TMC1: variants seen among roughly 807,000 people sequenced by gnomAD.
The protein encoded by TMC1 is transmembrane channel like 1.
TMC1 carries 84 observed loss-of-function variants against 105.8 expected under a neutral mutation model. The ratio of observed to expected loss-of-function variants is 0.79; its 90% CI spans 0.67 to 0.95. TMC1 has a LOEUF of 0.95. TMC1 is among the 40% of genes least tolerant of loss of function. The probability of loss-of-function intolerance (pLI) is 0.00; values close to 1 mark genes in which losing one functional copy is unlikely to be tolerated. For missense variants in TMC1, 817 were observed against 914.1 expected, an observed-to-expected ratio of 0.89 and a Z score of 1.37; for synonymous variants, 315 against 311.5, an observed-to-expected ratio of 1.01 and a Z score of -0.12.
intron 2 of TMC1, among the ~76,000 whole-genome samples, chr9:72,610,156 T>G (rs1825000081): frequency 6.6e-6 from 1 of 152,212 alleles, no homozygotes; most frequent in Admixed American, 6.5e-5. Flanking sequence ...ATTTTGTATT[T>G]GAGTTGAAGC....
Position 72,788,414 on chromosome 9 carries a change from C to T in TMC1, c.960C>T (p.Ser320=). 6.2e-7 allele frequency: 1 copy of T among 1,614,028 alleles called. No individual in the cohort carries two copies. Among genetic ancestry groups the T allele is most frequent in the Non-Finnish European group, 8.5e-7 (1 of 1,179,916 alleles). The part of the protein sequence containing the change: ...TFNFSWKVFT[S]WDYLIGNPET... ...ATTTCAGCTGGAAGGTCTTTACCAGCTGGGACTACCTGATCGGCAATCCTG... is the reference window on the plus strand; with the variant it reads ...ATTTCAGCTGGAAGGTCTTTACCAGTTGGGACTACCTGATCGGCAATCCTG... The change falls in exon 14 of 24, where the codon AGC becomes AGT. Residue 320 remains serine, a synonymous_variant. Coordinates refer to ENST00000297784, the MANE Select transcript of TMC1 (RefSeq NM_138691.3).
chr9:72,603,639 T>G (rs1349016687), intron 2 of TMC1, among the ~76,000 whole-genome samples: 1 of 152,118 alleles, frequency 6.6e-6, no homozygotes, highest in African/African-American at 2.4e-5. Flanking sequence ...AACCTCTGCC[T>G]TTTGGGTTCA....
At chr9:72,527,034 C>T (rs1267638547) in intron 1 of TMC1, among the ~76,000 whole-genome samples, 1 of 152,154 alleles carries the variant, frequency 6.6e-6, no homozygotes, top group African/African-American at 2.4e-5. Flanking sequence ...TAGGGGGTGT[C>T]ATGTACTAGG....
chr9:72,638,300 C>T (rs1180550296), intron 4 of TMC1, among the ~76,000 whole-genome samples: 1 of 152,184 alleles, frequency 6.6e-6, no homozygotes, highest in Non-Finnish European at 1.5e-5. Context: ...TGCATTCATT[C>T]CCTGAGTAAC....
chr9:72,700,949 T>C (rs1235881066), intron 8 of TMC1, among the ~76,000 whole-genome samples: 1 of 152,038 alleles, frequency 6.6e-6, no homozygotes, highest in Non-Finnish European at 1.5e-5. Context: ...GGGCTAATGA[T>C]TATAAATTGG....
rs114221591 is a variant in TMC1 at position 72,793,341 on chromosome 9, G to A, written c.1566+989G>A. Among the ~76,000 whole-genome samples, 669 of 152,196 alleles carry A rather than the reference G, an allele frequency of 4.4e-3. 4 individuals are homozygous for A. The highest frequency in any genetic ancestry group is 0.015 in the African/African-American group (628 of 41,538). On this transcript the variant is annotated intron_variant, in intron 17 of 23. Coordinates refer to ENST00000297784, the MANE Select transcript of TMC1 (RefSeq NM_138691.3). ...TGGCTTGGAACTCCAGCCAGTTACC[G>A]GTAGAAATGTTGCACCTCCCTGAGA...
At chr9:72,687,887 A>G (rs1826402974) in intron 5 of TMC1, among the ~76,000 whole-genome samples, 1 of 152,304 alleles carries the variant, frequency 6.6e-6, no homozygotes, top group Middle Eastern at 3.4e-3. Flanking sequence ...TTATTAAGAA[A>G]TATTTTAATT....
chr9:72,700,488 T>C, intron 7 of TMC1, 30 bp from the exon 8 acceptor site: 1 of 1,551,272 alleles, frequency 6.4e-7, no homozygotes, highest in Non-Finnish European at 8.8e-7. Context: ...AGCTTAACTT[T>C]ATTAAGGTGT....
intron 3 of TMC1, 48 bp from the exon 4 acceptor site, chr9:72,627,873 T>G (rs1334838146): frequency 2.7e-6 from 1 of 369,492 alleles, no homozygotes; most frequent in Admixed American, 3.7e-5. Flanking sequence ...GAAAAGGTAC[T>G]ATTATTTTTA....
intron 8 of TMC1, among the ~76,000 whole-genome samples, chr9:72,713,481 T>C (rs1193700020): frequency 1.3e-5 from 2 of 152,222 alleles, no homozygotes; most frequent in Non-Finnish European, 2.9e-5. Flanking sequence ...GGATTCAACT[T>C]CTTCCTGGTT....
At chr9:72,548,920 C>G (rs753280009) in intron 1 of TMC1, among the ~76,000 whole-genome samples, 93 of 152,124 alleles carry the variant, frequency 6.1e-4, no homozygotes, top group Non-Finnish European at 1.2e-3. Flanking sequence ...ACACACATGC[C>G]CACGAGAGCA....
chr9:72,596,768 A>G (rs1001936387), intron 2 of TMC1, among the ~76,000 whole-genome samples: 31 of 152,166 alleles, frequency 2.0e-4, no homozygotes, highest in African/African-American at 6.8e-4. Flanking sequence ...GCAGGCCTCC[A>G]TGGTATTTGA....
chr9:72,769,213 T>C (rs1054830122), intron 12 of TMC1, among the ~76,000 whole-genome samples: 27 of 152,134 alleles, frequency 1.8e-4, no homozygotes, highest in Admixed American at 1.6e-3. Context: ...ATCTGTAAAA[T>C]AGGTATAGTG....
chr9:72,601,803 A>G (rs1371259756), intron 2 of TMC1, among the ~76,000 whole-genome samples: 1 of 152,182 alleles, frequency 6.6e-6, no homozygotes, highest in African/African-American at 2.4e-5. Context: ...TGATCTCACT[A>G]CTGCACTCCA....
At chr9:72,789,491 A>T (rs2118182353) in intron 15 of TMC1, among the ~76,000 whole-genome samples, 174 bp downstream of exon 15, 1 of 152,270 alleles carries the variant, frequency 6.6e-6, no homozygotes, top group East Asian at 1.9e-4. Flanking sequence ...TTATTTCTAA[A>T]TCTGGACTGT....
intron 10 of TMC1, among the ~76,000 whole-genome samples, chr9:72,751,328 G>A (rs1827576826): frequency 6.6e-6 from 1 of 152,212 alleles, no homozygotes; most frequent in Admixed American, 6.5e-5. Context: ...TCCAGTAATG[G>A]GGGAAACAGC....
chr9:72,811,283 T>G (rs763265716), intron 18 of TMC1, among the ~76,000 whole-genome samples: 8 of 152,288 alleles, frequency 5.3e-5, no homozygotes, highest in Admixed American at 6.5e-5. Context: ...CATAATGTTA[T>G]CACAACAAAC....
rs1168607019 is a variant in TMC1, at chr9:72,541,219, A to G, written c.-428+19306A>G. ...ACCTATTTTGATGCCAAATCTTTAC[A>G]CCAACCAGTGTTATCACTTAATCAA... On this transcript the variant is annotated intron_variant, in intron 1 of 23. Transcript: ENST00000297784. Among the ~76,000 whole-genome samples, 3 of 152,298 alleles carry G rather than the reference A, an allele frequency of 2.0e-5. No individual in the cohort carries two copies. In the East Asian group the frequency reaches 5.8e-4, roughly 29 times the overall value.
intron 1 of TMC1, among the ~76,000 whole-genome samples, chr9:72,558,401 A>G (rs1398200487): frequency 6.6e-6 from 1 of 152,166 alleles, no homozygotes; most frequent in Non-Finnish European, 1.5e-5. Context: ...AATAATTTCA[A>G]TTACATTGTT....
Sources: gnomAD v4.1 joint callset for allele counts (sites outside exome capture counted in the v4.1 genomes callset) on GRCh38, gnomAD v4.1.1 for gene constraint, MANE v1.5 for transcripts, NCBI Gene and HGNC (gene_info 2026-07-23, HGNC 2026-07-21) for gene names.